Variants in EYA1 observed in about 807,000 individuals in gnomAD.
EYA1 encodes protein phosphatase EYA1.
In EYA1, 16 loss-of-function variants were observed where a neutral mutation model predicts 82.0. That is an observed-to-expected ratio of 0.20 (90% CI 0.13 to 0.30). The LOEUF is 0.30. Ranked by LOEUF, EYA1 falls within the 10% of genes least tolerant of loss-of-function variation. The probability of loss-of-function intolerance (pLI) is 1.00; values close to 1 mark genes in which losing one functional copy is unlikely to be tolerated. For synonymous variants in EYA1, 261 were observed against 264.4 expected (o/e 0.99, Z 0.12); for missense variants, 633 against 730.7 (o/e 0.87, Z 1.54).
intron 2 of EYA1, among the ~76,000 whole-genome samples, chr8:71,372,287 C>A (rs977900116): frequency 6.6e-6 from 1 of 152,022 alleles, no homozygotes; most frequent in African/African-American, 2.4e-5. Flanking sequence ...AAAGCAATGG[C>A]CTCAAATTCC....
chr8:71,449,525 A>G (rs1265403137), intron 2 of EYA1, among the ~76,000 whole-genome samples: 1 of 152,216 alleles, frequency 6.6e-6, no homozygotes, highest in African/African-American at 2.4e-5. Context: ...AATATTTAAA[A>G]AACCAAGCTA....
chr8:71,415,155 C>T (rs186553048), intron 2 of EYA1, among the ~76,000 whole-genome samples: 58 of 152,276 alleles, frequency 3.8e-4, no homozygotes, highest in African/African-American at 1.3e-3. Flanking sequence ...ATCAGTGCTT[C>T]TTTATTAGGT....
chr8:71,481,013 T>C (rs914683255), intron 2 of EYA1, among the ~76,000 whole-genome samples: 1 of 152,150 alleles, frequency 6.6e-6, no homozygotes, highest in African/African-American at 2.4e-5. Context: ...GCTCTAATTC[T>C]ATTATTAAAA....
chr8:71,241,607 C>T (rs974249345), intron 12 of EYA1, among the ~76,000 whole-genome samples: 2 of 152,258 alleles, frequency 1.3e-5, no homozygotes, highest in South Asian at 4.2e-4. Context: ...CATCATACTT[C>T]AAGCTAACCA....
intron 3 of EYA1, 24 bp from the exon 4 acceptor site, chr8:71,334,198 C>A: frequency 6.6e-7 from 1 of 1,516,682 alleles, no homozygotes; most frequent in Middle Eastern, 1.7e-4. Flanking sequence ...CAACATACAT[C>A]GATATTGAAT....
At chr8:71,310,461 T>C (rs1447091967) in intron 7 of EYA1, among the ~76,000 whole-genome samples, 1 of 152,164 alleles carries the variant, frequency 6.6e-6, no homozygotes, top group South Asian at 2.1e-4. Flanking sequence ...CCCCTCTACA[T>C]GTCCATATGT....
At chr8:71,464,641 T>G (rs1808645736) in intron 2 of EYA1, among the ~76,000 whole-genome samples, 2 of 152,224 alleles carry the variant, frequency 1.3e-5, no homozygotes, top group African/African-American at 4.8e-5. Flanking sequence ...ATCATCAAAA[T>G]TTTGTTTAGG....
rs149228770 is a variant in EYA1, at chr8:71,292,451, T to C, written c.826+6596A>G. Among the ~76,000 whole-genome samples the C allele has an allele frequency of 2.8e-3, 432 of 152,226 alleles. 1 individual carries two copies. Among genetic ancestry groups the C allele is most frequent in the African/African-American group, 9.9e-3 (412 of 41,574 alleles). ...GTGACACTGTCTTACAGTCTTTGAT[T>C]GAACAAGGAAAACTAGTTGGTTCTG... On this transcript the variant is annotated intron_variant, in intron 9 of 17. Coordinates refer to ENST00000340726, the MANE Select transcript of EYA1 (RefSeq NM_000503.6).
At chr8:71,225,715 A>G (rs1166614010) in intron 12 of EYA1, among the ~76,000 whole-genome samples, 1 of 152,222 alleles carries the variant, frequency 6.6e-6, no homozygotes, top group East Asian at 1.9e-4. Context: ...TGGGAAAAGA[A>G]AACAATTTCA....
chr8:71,524,874 A>G lies in EYA1; in HGVS notation c.33+10870T>C, dbSNP rs1201450755. On this transcript the variant is annotated intron_variant, in intron 2 of 18. Coordinates refer to the EYA1 transcript ENST00000643681. ...AAAGGTTTCTTTTCCCTTTTTACTT[A>G]TAGAAAGAAGGAATAACTGTTAAGG... Among the ~76,000 whole-genome samples, 4 of 152,248 alleles carry G rather than the reference A, an allele frequency of 2.6e-5. No homozygotes were observed. The East Asian group carries it at 5.8e-4, about 22-fold the overall frequency.
chr8:71,459,379 A>G (rs946316061), intron 2 of EYA1, among the ~76,000 whole-genome samples: 1 of 152,016 alleles, frequency 6.6e-6, no homozygotes, highest in Non-Finnish European at 1.5e-5. Flanking sequence ...ATTTCAAAAC[A>G]CCTCCAGCTG....
At chr8:71,347,671 T>A (rs2129060143) in intron 3 of EYA1, among the ~76,000 whole-genome samples, 1 of 152,180 alleles carries the variant, frequency 6.6e-6, no homozygotes, top group South Asian at 2.1e-4. Context: ...ATATTCTTTA[T>A]TTTGACAAAA....
intron 4 of EYA1, among the ~76,000 whole-genome samples, chr8:71,323,695 C>T (rs1477494620): frequency 6.6e-6 from 1 of 152,208 alleles, no homozygotes; most frequent in Non-Finnish European, 1.5e-5. Context: ...CTGGCACATA[C>T]TGAGCCACTA....
At chr8:71,230,315 C>T (rs1463637299) in intron 12 of EYA1, among the ~76,000 whole-genome samples, 1 of 152,174 alleles carries the variant, frequency 6.6e-6, no homozygotes, top group Admixed American at 6.5e-5. Flanking sequence ...CTGTCAAAAT[C>T]CAAGATCTAA....
chr8:71,384,930 A>G (rs184463863), intron 2 of EYA1, among the ~76,000 whole-genome samples: 61 of 152,356 alleles, frequency 4.0e-4, no homozygotes, highest in African/African-American at 1.4e-3. Context: ...TCACTGACGC[A>G]ATAATTTATA....
intron 2 of EYA1, among the ~76,000 whole-genome samples, chr8:71,509,421 G>A (rs1398403393): frequency 6.6e-6 from 1 of 152,084 alleles, no homozygotes; most frequent in African/African-American, 2.4e-5. Context: ...TCACAGAAAA[G>A]TAAGTAGACA....
chr8:71,277,115 ATTTTTTTTTTTTTTTTT>A (rs9298167), intron 9 of EYA1, among the ~76,000 whole-genome samples: 7 of 76,936 alleles, frequency 9.1e-5, no homozygotes, highest in Admixed American at 1.8e-4. Flanking sequence ...GGCTTCACAC[ATTTTTTTTTTTTTTTTT>A]TTTTTTTTTT....
chr8:71,319,826 T>G (rs1420126418), intron 6 of EYA1, among the ~76,000 whole-genome samples: 1 of 152,144 alleles, frequency 6.6e-6, no homozygotes, highest in Non-Finnish European at 1.5e-5. Flanking sequence ...ATGCCATATT[T>G]TTCAATGCAC....
intron 9 of EYA1, among the ~76,000 whole-genome samples, chr8:71,273,631 A>G (rs1327636948): frequency 2.6e-5 from 4 of 152,220 alleles, no homozygotes; most frequent in Non-Finnish European, 5.9e-5. Context: ...GTACGTCTCC[A>G]TGCAGAACCA....
Sources: gnomAD v4.1 joint callset for allele counts (sites outside exome capture counted in the v4.1 genomes callset) on GRCh38, gnomAD v4.1.1 for gene constraint, MANE v1.5 for transcripts, NCBI Gene and HGNC (gene_info 2026-07-23, HGNC 2026-07-21) for gene names.